Variants in RAB3IP observed in about 807,000 individuals in gnomAD.
The protein encoded by RAB3IP is rab-3A-interacting protein.
RAB3IP carries 36 observed loss-of-function variants against 59.1 expected under a neutral mutation model. The observed-to-expected ratio is 0.61, with a 90% CI of 0.47 to 0.80. The LOEUF (loss-of-function observed/expected upper bound fraction) is 0.80. Ranked by LOEUF, RAB3IP falls within the 30% of genes least tolerant of loss-of-function variation. RAB3IP has a pLI of 0.00. For missense variants in RAB3IP, 511 were observed against 536.0 expected (o/e 0.95, Z 0.46); for synonymous variants, 207 against 191.2 (o/e 1.08, Z -0.68).
intron 1 of RAB3IP, among the ~76,000 whole-genome samples, chr12:69,751,424 A>G (rs892797976): frequency 2.6e-5 from 4 of 152,118 alleles, no homozygotes; most frequent in Admixed American, 6.5e-5. Flanking sequence ...CTCTGAGTAC[A>G]TGGGTGCGCA....
Position 69,745,222 on chromosome 12 carries a change from G to A in RAB3IP, c.-26+6191G>A, listed in dbSNP as rs564392217. On this transcript the variant is annotated intron_variant, in intron 1 of 10. Transcript: ENST00000247833. Reference sequence around the variant, plus strand: ...TGTAGGTATTTCAGTATTTCCCAAAGATAAGAGCAGTTAACTGCAGTACTT... The same window carrying A: ...TGTAGGTATTTCAGTATTTCCCAAAAATAAGAGCAGTTAACTGCAGTACTT... Among the ~76,000 whole-genome samples the A allele has an allele frequency of 1.8e-3, 268 of 152,210 alleles. 1 individual carries two copies. Among genetic ancestry groups the A allele is most frequent in the Non-Finnish European group, 3.1e-3 (214 of 67,996 alleles).
chr12:69,813,741 C>A (rs1880789818), intron 10 of RAB3IP, among the ~76,000 whole-genome samples: 1 of 151,796 alleles, frequency 6.6e-6, no homozygotes, highest in Non-Finnish European at 1.5e-5. Flanking sequence ...AAGTCTGTGC[C>A]AGTTAGTATT....
intron 1 of RAB3IP, chr12:69,739,781 G>C (rs1887101794): frequency 6.2e-7 from 1 of 1,600,042 alleles, no homozygotes; most frequent in Non-Finnish European, 8.6e-7. Flanking sequence ...GGAAGCGCGA[G>C]CTTACTGGCT....
At chr12:69,740,024 T>C (rs1359245899) in intron 1 of RAB3IP, among the ~76,000 whole-genome samples, 1 of 152,212 alleles carries the variant, frequency 6.6e-6, no homozygotes, top group African/African-American at 2.4e-5. Flanking sequence ...TTAAAAGCCT[T>C]GTAATCTCTT....
At chr12:69,765,452 G>A (rs921048231) in intron 3 of RAB3IP, among the ~76,000 whole-genome samples, 1 of 152,116 alleles carries the variant, frequency 6.6e-6, no homozygotes, top group African/African-American at 2.4e-5. Flanking sequence ...ATTGACTTGT[G>A]TATATTGAAC....
At chr12:69,748,601 C>G (rs1182937180) in intron 1 of RAB3IP, among the ~76,000 whole-genome samples, 1 of 152,144 alleles carries the variant, frequency 6.6e-6, no homozygotes, top group Non-Finnish European at 1.5e-5. Context: ...TTACCTGGAG[C>G]TCAGTAATAA....
chr12:69,755,033 T>C (rs1169226068), intron 1 of RAB3IP, among the ~76,000 whole-genome samples: 1 of 152,216 alleles, frequency 6.6e-6, no homozygotes, highest in Non-Finnish European at 1.5e-5. Context: ...GTAGTAGTTA[T>C]ACTGTGAGAT....
chr12:69,784,745 G>A lies in RAB3IP; in HGVS notation c.536G>A (p.Cys179Tyr). 6.2e-7 allele frequency: 1 copy of A among 1,607,352 alleles called. No homozygotes were observed. The highest frequency in any genetic ancestry group is 8.5e-7 in the Non-Finnish European group (1 of 1,175,968). The change falls in exon 4 of 11, where the codon TGT becomes TAT. Residue 179 changes from cysteine (C) to tyrosine (Y), a missense_variant. Transcript: ENST00000247833. ...QRELKLKDEECERLSKVRDQL... is the reference protein window; with the variant it reads ...QRELKLKDEEYERLSKVRDQL... ...GAACTGAAGTTAAAAGATGAAGAAT[G>A]TGAGAGGCTTTCAAAAGTGCGAGAT...
intron 10 of RAB3IP, among the ~76,000 whole-genome samples, chr12:69,814,004 A>G (rs12582161): frequency 0.21 from 32,271 of 152,088 alleles, 4,161 homozygotes; most frequent in Middle Eastern, 0.35. Flanking sequence ...AAAACCTGTT[A>G]ACCTAATAAC....
chr12:69,784,365 A>G (rs978328050), intron 3 of RAB3IP, among the ~76,000 whole-genome samples: 14 of 151,626 alleles, frequency 9.2e-5, no homozygotes, highest in African/African-American at 3.1e-4. Flanking sequence ...TAAATTCCTT[A>G]CTTGATGGAA....
Position 69,794,944 on chromosome 12 carries a change from G to A in RAB3IP, c.685-197G>A, listed in dbSNP as rs187009821. On this transcript the variant is annotated intron_variant, in intron 5 of 10. Coordinates refer to ENST00000247833, the MANE Select transcript of RAB3IP (RefSeq NM_022456.5). ...GGTAATTTTCACAGGCTCATTTGAC[G>A]TTGTTAATAATAGATGAATCCAAAC... Among the ~76,000 whole-genome samples, 9 of 152,158 alleles carry A rather than the reference G, an allele frequency of 5.9e-5. No individual in the cohort carries two copies. The East Asian group carries it at 1.7e-3, about 29-fold the overall frequency.
chr12:69,755,483 G>A lies in RAB3IP; in HGVS notation c.75G>A (p.Val25=), dbSNP rs1459186596. The A allele has an allele frequency of 1.2e-6, 2 of 1,613,964 alleles. No homozygotes were observed. Among genetic ancestry groups the A allele is most frequent in the African/African-American group, 2.7e-5 (2 of 74,884 alleles). The change falls in exon 2 of 11, where the codon GTG becomes GTA. Residue 25 remains valine (V), a synonymous_variant. Transcript: ENST00000247833. ...ASPTSPDLLG[V]YESGTQEQTT... Reference sequence around the variant, plus strand: ...CTACTTCTCCGGACCTTCTTGGTGTGTATGAATCAGGAACTCAAGAGCAGA... The same window carrying A: ...CTACTTCTCCGGACCTTCTTGGTGTATATGAATCAGGAACTCAAGAGCAGA...
intron 1 of RAB3IP, among the ~76,000 whole-genome samples, chr12:69,750,178 A>G (rs1335773401): frequency 6.6e-6 from 1 of 152,160 alleles, no homozygotes; most frequent in Non-Finnish European, 1.5e-5. Context: ...GCTATGCTTA[A>G]TATTTAGTAA....
At chr12:69,813,423 C>T (rs2136289100) in intron 10 of RAB3IP, among the ~76,000 whole-genome samples, 1 of 152,118 alleles carries the variant, frequency 6.6e-6, no homozygotes, top group East Asian at 1.9e-4. Context: ...TGATGGAAAC[C>T]ATCATGGAGC....
chr12:69,793,429 T>C (rs1876947009), intron 4 of RAB3IP, among the ~76,000 whole-genome samples: 1 of 152,196 alleles, frequency 6.6e-6, no homozygotes, highest in Non-Finnish European at 1.5e-5. Context: ...GAGGGTGCCA[T>C]TGTCAAACTA....
chr12:69,768,618 C>T (rs144935889), intron 3 of RAB3IP, among the ~76,000 whole-genome samples: 11 of 152,276 alleles, frequency 7.2e-5, no homozygotes, highest in South Asian at 2.1e-4. Flanking sequence ...GACTGAGGCA[C>T]CCAGCAGTGT....
Position 69,756,601 on chromosome 12 carries a change from G to A in RAB3IP, c.448G>A (p.Val150Ile). ...DSLSRLRSPS[V>I]LEVREKGYER... Reference sequence around the variant, plus strand: ...TCTGTCTCGTTTACGAAGCCCATCTGTTTTGGAAGTTAGAGAAAAGGGCTA... The same window carrying A: ...TCTGTCTCGTTTACGAAGCCCATCTATTTTGGAAGTTAGAGAAAAGGGCTA... Residue 150 changes from valine to isoleucine, a missense_variant, in exon 3 of 11, where the codon GTT becomes ATT. By Grantham distance (29) the Val-to-Ile change is conservative (BLOSUM62 3). Coordinates refer to ENST00000247833, the MANE Select transcript of RAB3IP (RefSeq NM_022456.5). 1 of 1,614,088 alleles carries A rather than the reference G, an allele frequency of 6.2e-7. No homozygotes were observed. The highest frequency in any genetic ancestry group is 8.5e-7 in the Non-Finnish European group (1 of 1,179,936).
Position 69,794,506 on chromosome 12 carries a change from C to A in RAB3IP, c.676C>A (p.Gln226Lys), listed in dbSNP as rs772229509. The A allele has an allele frequency of 6.2e-7, 1 of 1,611,822 alleles. No homozygotes were observed. Among genetic ancestry groups the A allele is most frequent in the Non-Finnish European group, 8.5e-7 (1 of 1,178,856 alleles). The change falls in exon 5 of 11, where the codon CAA (glutamine) becomes AAA (lysine). Residue 226 changes from glutamine to lysine, a missense_variant. Coordinates refer to ENST00000247833, the MANE Select transcript of RAB3IP (RefSeq NM_022456.5). ...ATAEKQLKEA[Q>K]GKIDVLQAEV... is the part of the protein sequence containing the mutation. ...AGCAGAAAAACAGCTAAAAGAAGCA[C>A]AAGGAAAAGTGAGTTTTTGCAGCTC...
chr12:69,808,482 G>A (rs1260931563), intron 8 of RAB3IP, among the ~76,000 whole-genome samples: 2 of 152,146 alleles, frequency 1.3e-5, no homozygotes, highest in African/African-American at 4.8e-5. Context: ...TGTTGACACA[G>A]TGGGGTTGTT....
Sources: gnomAD v4.1 joint callset for allele counts (sites outside exome capture counted in the v4.1 genomes callset) on GRCh38, gnomAD v4.1.1 for gene constraint, MANE v1.5 for transcripts, NCBI Gene and HGNC (gene_info 2026-07-23, HGNC 2026-07-21) for gene names.